Variants in UNC79 observed in about 807,000 individuals in gnomAD.
UNC79 encodes the protein protein unc-79 homolog.
A neutral mutation model predicts 283.1 loss-of-function variants in UNC79; 37 were observed. The observed-to-expected ratio is 0.13, with a 90% CI of 0.10 to 0.17. The LOEUF (loss-of-function observed/expected upper bound fraction) is 0.17. Ranked by LOEUF, UNC79 falls within the 10% of genes least tolerant of loss-of-function variation. UNC79 has a pLI of 1.00. For missense variants in UNC79, 2,272 were observed against 3,211.1 expected (o/e 0.71, Z 7.07); for synonymous variants, 1,107 against 1,200.2 (o/e 0.92, Z 1.61).
intron 40 of UNC79, among the ~76,000 whole-genome samples, chr14:93,666,758 A>G (rs1252921471): frequency 1.3e-5 from 2 of 152,242 alleles, no homozygotes; most frequent in African/African-American, 4.8e-5. Context: ...CAACGGTCAT[A>G]TAAAGAATCC....
intron 7 of UNC79, among the ~76,000 whole-genome samples, chr14:93,508,583 G>A (rs1455113818): frequency 3.9e-5 from 6 of 152,076 alleles, no homozygotes; most frequent in East Asian, 3.8e-4. Flanking sequence ...ATTTTTCACT[G>A]TAGAAGTCTT....
At chr14:93,549,185 A>T (rs2061749840) in intron 14 of UNC79, among the ~76,000 whole-genome samples, 1 of 152,264 alleles carries the variant, frequency 6.6e-6, no homozygotes, top group South Asian at 2.1e-4. Context: ...TTAACTTAGT[A>T]TACCGTTAAG....
chr14:93,347,165 G>C, intron 1 of UNC79: 1 of 1,379,512 alleles, frequency 7.2e-7, no homozygotes, highest in Non-Finnish European at 9.6e-7. Flanking sequence ...CTCGTGGCTG[G>C]GGCGCCTGCG....
chr14:93,575,662 C>A (rs564840812), intron 17 of UNC79, among the ~76,000 whole-genome samples: 1 of 152,084 alleles, frequency 6.6e-6, no homozygotes, highest in East Asian at 1.9e-4. Context: ...ATTTTATTGA[C>A]CCCTTTGCAT....
exon 40 of UNC79, chr14:93,662,668 C>A: frequency 6.2e-7 from 1 of 1,612,266 alleles, no homozygotes; most frequent in Non-Finnish European, 8.5e-7. Flanking sequence ...TTCACTCTGG[C>A]CTACCTGGTG....
intron 7 of UNC79, among the ~76,000 whole-genome samples, chr14:93,518,811 C>A (rs2060191569): frequency 6.6e-6 from 1 of 151,704 alleles, no homozygotes; most frequent in Non-Finnish European, 1.5e-5. Context: ...TAGAAGTGTG[C>A]TTTTTAATGT....
intron 1 of UNC79, among the ~76,000 whole-genome samples, chr14:93,338,557 A>C (rs1014138306): frequency 6.6e-6 from 1 of 152,266 alleles, no homozygotes; most frequent in Non-Finnish European, 1.5e-5. Flanking sequence ...TATATCCAGC[A>C]TATGTAAAGA....
chr14:93,610,615 C>CTT (rs200749234), intron 26 of UNC79, among the ~76,000 whole-genome samples: 1 of 145,014 alleles, frequency 6.9e-6, no homozygotes, highest in Non-Finnish European at 1.5e-5. Context: ...TTCTTTCTTT[C>CTT]TTTTTTTTTT....
At chr14:93,369,774 A>G (rs549978601) in intron 1 of UNC79, among the ~76,000 whole-genome samples, 6 of 152,358 alleles carry the variant, frequency 3.9e-5, no homozygotes, top group African/African-American at 7.2e-5. Flanking sequence ...ATTTTGAAAT[A>G]TGCCAGATTA....
At chr14:93,677,230 C>A (rs2073419345) in intron 41 of UNC79, among the ~76,000 whole-genome samples, 1 of 152,110 alleles carries the variant, frequency 6.6e-6, no homozygotes, top group Non-Finnish European at 1.5e-5. Context: ...CTGCCTAAGT[C>A]ATGGAGAGAA....
chr14:93,414,498 T>TTGGC (rs1566920841), intron 1 of UNC79, among the ~76,000 whole-genome samples: 1 of 152,220 alleles, frequency 6.6e-6, no homozygotes, highest in Non-Finnish European at 1.5e-5. Flanking sequence ...TAGGATTGAC[T>TTGGC]TGGCAATGCG....
intron 3 of UNC79, among the ~76,000 whole-genome samples, chr14:93,476,496 GGCCCTCTAGTGT>G (rs1397225774): frequency 6.6e-6 from 1 of 152,180 alleles, no homozygotes; most frequent in Non-Finnish European, 1.5e-5. Context: ...GACTGACTCT[GGCCCTCTAGTGT>G]GCACTGTGGC....
intron 1 of UNC79, among the ~76,000 whole-genome samples, chr14:93,419,411 C>A (rs1188456500): frequency 6.6e-6 from 1 of 151,526 alleles, no homozygotes; most frequent in Admixed American, 6.6e-5. Context: ...TCGTGATCCA[C>A]CTGCCTCAGC....
intron 5 of UNC79, among the ~76,000 whole-genome samples, chr14:93,489,991 G>T (rs1156974520): frequency 1.3e-5 from 2 of 152,324 alleles, no homozygotes; most frequent in African/African-American, 4.8e-5. Context: ...GCTGGGTACA[G>T]TGCATGCTGC....
chr14:93,672,075 C>A (rs2072922848), intron 40 of UNC79, among the ~76,000 whole-genome samples: 1 of 152,094 alleles, frequency 6.6e-6, no homozygotes. Flanking sequence ...AACTCTTGCG[C>A]CCTGTTGGTA....
rs2061176956 is a variant in UNC79 at position 93,538,178 on chromosome 14, G to A, written c.1312G>A (p.Gly438Ser). Residue 438 changes from glycine to serine, a missense_variant, in exon 12 of 49, where the codon GGC (glycine) becomes AGC (serine). Transcript: ENST00000555664. The stretch of plus-strand genomic sequence containing the variant: ...TCCGCCCATCAACACGCGGGAATGC[G>A]GCGCTGAGGAGCTGGTCTGCGCCGT... 1.2e-6 allele frequency: 2 copies of A among 1,612,564 alleles called. No individual in the cohort carries two copies.
chr14:93,659,591 G>A lies in UNC79; in HGVS notation c.6525+330G>A, dbSNP rs375104284. ...CTCTGATAACTTCTCATTTCTGTCA[G>A]GATGATGTCCAGATTCCTTAATGTG... On this transcript the variant is annotated intron_variant, in intron 39 of 48. Coordinates refer to ENST00000555664, the Ensembl canonical transcript of UNC79. Among the ~76,000 whole-genome samples, 6 of 152,020 alleles carry A rather than the reference G, an allele frequency of 3.9e-5. No homozygotes were observed. In the South Asian group the frequency reaches 1.2e-3, roughly 32 times the overall value.
At chr14:93,692,720 T>C (rs1224255999) in intron 46 of UNC79, among the ~76,000 whole-genome samples, 1 of 152,154 alleles carries the variant, frequency 6.6e-6, no homozygotes, top group Non-Finnish European at 1.5e-5. Flanking sequence ...CAGAGCTCAT[T>C]GGAAAATGTC....
intron 48 of UNC79, among the ~76,000 whole-genome samples, chr14:93,705,183 G>T (rs963847090): frequency 4.6e-5 from 7 of 152,026 alleles, no homozygotes; most frequent in African/African-American, 1.7e-4. Context: ...GCTACAGTGA[G>T]CTATGATCCT....
Sources: allele counts gnomAD v4.1 joint callset (sites outside exome capture counted in the v4.1 genomes callset), GRCh38; gene constraint gnomAD v4.1.1; transcripts MANE v1.5; gene names NCBI Gene and HGNC (gene_info 2026-07-23, HGNC 2026-07-21).